Variants in ZBTB20 observed in about 807,000 individuals in gnomAD.
ZBTB20 encodes the protein zinc finger and BTB domain containing 20, also known as zinc finger and BTB domain-containing protein 20.
ZBTB20 carries 9 observed loss-of-function variants against 56.9 expected under a neutral mutation model. The observed-to-expected ratio is 0.16, with a 90% CI of 0.10 to 0.28. The LOEUF (loss-of-function observed/expected upper bound fraction) is 0.28. Among genes scored for constraint, ZBTB20 ranks in the 10% least tolerant of loss-of-function variants. ZBTB20 has a pLI of 1.00. For synonymous variants in ZBTB20, 417 were observed against 420.7 expected (o/e 0.99, Z 0.11); for missense variants, 655 against 1,003.0 (o/e 0.65, Z 4.69).
intron 7 of ZBTB20, among the ~76,000 whole-genome samples, chr3:114,484,377 C>T (rs1255349646): frequency 2.0e-5 from 3 of 152,132 alleles, no homozygotes; most frequent in Non-Finnish European, 4.4e-5. Context: ...AGCTTCAAGA[C>T]AAAAGGAGAG....
At chr3:114,493,024 T>TCC (rs2042908763) in intron 7 of ZBTB20, among the ~76,000 whole-genome samples, 1 of 152,198 alleles carries the variant, frequency 6.6e-6, no homozygotes, top group African/African-American at 2.4e-5. Context: ...AACACTCACC[T>TCC]CCATTTCTAT....
intron 2 of ZBTB20, among the ~76,000 whole-genome samples, chr3:115,064,440 A>T (rs547595549): frequency 4.6e-4 from 61 of 132,224 alleles, no homozygotes; most frequent in South Asian, 1.8e-3. Flanking sequence ...TTCTCTCATA[A>T]TTCTTTTTTT....
chr3:115,007,709 C>T (rs2079535870), intron 2 of ZBTB20, among the ~76,000 whole-genome samples: 1 of 151,770 alleles, frequency 6.6e-6, no homozygotes. Context: ...AGAGTTTTTA[C>T]TTCTTTACCC....
intron 7 of ZBTB20, among the ~76,000 whole-genome samples, chr3:114,475,944 T>G (rs770508762): frequency 2.6e-5 from 4 of 152,128 alleles, no homozygotes; most frequent in African/African-American, 7.2e-5. Flanking sequence ...TAAGCTGCCT[T>G]TATTAATGAA....
chr3:114,796,766 A>G (rs142272947), intron 5 of ZBTB20, among the ~76,000 whole-genome samples: 2 of 152,110 alleles, frequency 1.3e-5, no homozygotes, highest in African/African-American at 4.8e-5. Flanking sequence ...AAGTAGAAGA[A>G]TAAATTAAGT....
chr3:114,995,657 T>G (rs1429748328), intron 2 of ZBTB20, among the ~76,000 whole-genome samples: 4 of 151,922 alleles, frequency 2.6e-5, no homozygotes, highest in African/African-American at 4.8e-5. Context: ...ACTTATTTTC[T>G]CATTTCAGTT....
intron 2 of ZBTB20, among the ~76,000 whole-genome samples, chr3:115,014,149 A>ATCC (rs1284974644): frequency 2.6e-5 from 4 of 151,756 alleles, no homozygotes; most frequent in Non-Finnish European, 5.9e-5. Flanking sequence ...GTTAAGTGAA[A>ATCC]TAAGCTAGGC....
rs367935794 is a variant in ZBTB20, at chr3:114,997,667, A to G, written c.-506-23251T>C. On this transcript the variant is annotated intron_variant, in intron 2 of 11. Coordinates refer to ENST00000675478, the MANE Select transcript of ZBTB20 (RefSeq NM_001348800.3). ...GACATAGAAAAGATAAAATTAATCA[A>G]TACTGCAAAATTTCTAAAAAAGTAG... Among the ~76,000 whole-genome samples the G allele has an allele frequency of 8.6e-5, 13 of 151,916 alleles. No individual in the cohort carries two copies. In the South Asian group the frequency reaches 1.0e-3, roughly 12 times the overall value.
At chr3:114,538,928 G>A (rs972565216) in intron 6 of ZBTB20, among the ~76,000 whole-genome samples, 1 of 152,122 alleles carries the variant, frequency 6.6e-6, no homozygotes, top group Non-Finnish European at 1.5e-5. Flanking sequence ...AGAACTCATC[G>A]GGGGTTGGCA....
chr3:114,973,729 C>T (rs2077982244), intron 3 of ZBTB20, among the ~76,000 whole-genome samples: 1 of 152,098 alleles, frequency 6.6e-6, no homozygotes, highest in South Asian at 2.1e-4. Context: ...CCATGTTAGT[C>T]TCACTGGAAA....
intron 2 of ZBTB20, among the ~76,000 whole-genome samples, chr3:114,986,861 T>C (rs2078568086): frequency 6.6e-6 from 1 of 152,192 alleles, no homozygotes; most frequent in African/African-American, 2.4e-5. Context: ...TATCATTTTC[T>C]ATTCTCCATC....
intron 6 of ZBTB20, among the ~76,000 whole-genome samples, chr3:114,645,902 G>A (rs2059808469): frequency 6.6e-6 from 1 of 151,782 alleles, no homozygotes; most frequent in African/African-American, 2.4e-5. Flanking sequence ...ATGTTGCTTC[G>A]AGGAACAGAG....
At chr3:115,061,442 A>C (rs2082008324) in intron 2 of ZBTB20, among the ~76,000 whole-genome samples, 1 of 152,192 alleles carries the variant, frequency 6.6e-6, no homozygotes, top group South Asian at 2.1e-4. Flanking sequence ...AAAAGTTACC[A>C]AACTCTGTGG....
At chr3:115,134,269 T>A (rs1237340360) in intron 1 of ZBTB20, among the ~76,000 whole-genome samples, 1 of 152,250 alleles carries the variant, frequency 6.6e-6, no homozygotes, top group Non-Finnish European at 1.5e-5. Context: ...AATGTTTTAA[T>A]TTCTATGTAG....
intron 2 of ZBTB20, among the ~76,000 whole-genome samples, chr3:115,059,530 G>A (rs113628752): frequency 5.3e-5 from 8 of 152,244 alleles, no homozygotes; most frequent in African/African-American, 1.9e-4. Flanking sequence ...CAGCTCTCTG[G>A]TTGTTCTTTG....
At chr3:114,413,652 T>A (rs1014677372) in intron 7 of ZBTB20, among the ~76,000 whole-genome samples, 12 of 152,126 alleles carry the variant, frequency 7.9e-5, no homozygotes, top group African/African-American at 2.9e-4. Flanking sequence ...AGTGCTGATA[T>A]TAAGCCTGCT....
chr3:115,049,507 A>G (rs2081461427), intron 2 of ZBTB20, among the ~76,000 whole-genome samples: 1 of 152,174 alleles, frequency 6.6e-6, no homozygotes, highest in Non-Finnish European at 1.5e-5. Flanking sequence ...TTTATGTTTC[A>G]CATATACCTT....
chr3:114,962,376 C>A (rs1029247060), intron 3 of ZBTB20, among the ~76,000 whole-genome samples: 2 of 152,130 alleles, frequency 1.3e-5, no homozygotes, highest in Non-Finnish European at 2.9e-5. Context: ...ATGTGAGTAT[C>A]TGGTCCCTTA....
intron 5 of ZBTB20, among the ~76,000 whole-genome samples, chr3:114,760,205 A>C (rs2068335475): frequency 6.6e-6 from 1 of 152,166 alleles, no homozygotes; most frequent in African/African-American, 2.4e-5. Flanking sequence ...CAAATTTATT[A>C]ATTTATTGGA....
Sources: gnomAD v4.1 joint callset for allele counts (sites outside exome capture counted in the v4.1 genomes callset) on GRCh38, gnomAD v4.1.1 for gene constraint, MANE v1.5 for transcripts, NCBI Gene and HGNC (gene_info 2026-07-23, HGNC 2026-07-21) for gene names.